The following ABAT variants were observed in gnomAD, a reference collection of about 807,000 sequenced individuals.
ABAT encodes 4-aminobutyrate aminotransferase.
A neutral mutation model predicts 64.6 loss-of-function variants in ABAT; 45 were observed. The observed-to-expected ratio is 0.70, with a 90% CI of 0.55 to 0.89. ABAT has a LOEUF of 0.89. Ranked by LOEUF, ABAT falls within the 40% of genes least tolerant of loss-of-function variation. The probability of loss-of-function intolerance (pLI) is 0.00; values close to 1 mark genes in which losing one functional copy is unlikely to be tolerated. For synonymous variants in ABAT, 297 were observed against 250.5 expected, an observed-to-expected ratio of 1.19 and a Z score of -1.75; for missense variants, 633 against 658.4, an observed-to-expected ratio of 0.96 and a Z score of 0.42.
chr16:8,754,702 C>CTTTCTTTCTTTT (rs1567305332), intron 5 of ABAT, among the ~76,000 whole-genome samples: 6 of 26,078 alleles, frequency 2.3e-4, no homozygotes, highest in African/African-American at 5.8e-4. Flanking sequence ...TTCTTTCTTT[C>CTTTCTTTCTTTT]TTTCTTTCTT....
intron 4 of ABAT, among the ~76,000 whole-genome samples, chr16:8,749,862 C>T (rs982164784): frequency 6.6e-6 from 1 of 152,092 alleles, no homozygotes; most frequent in Non-Finnish European, 1.5e-5. Flanking sequence ...CACAGGCGTG[C>T]ACCACCACGC....
intron 1 of ABAT, among the ~76,000 whole-genome samples, chr16:8,714,117 C>A (rs1463299359): frequency 6.6e-6 from 1 of 151,780 alleles, no homozygotes; most frequent in African/African-American, 2.4e-5. Context: ...AGGAGGAGAC[C>A]CTTTAAAGTG....
intron 6 of ABAT, among the ~76,000 whole-genome samples, chr16:8,759,143 A>G (rs1425675764): frequency 2.6e-5 from 4 of 152,008 alleles, no homozygotes; most frequent in African/African-American, 7.3e-5. Context: ...AAAGTACAAC[A>G]CCCATGCAGG....
intron 12 of ABAT, among the ~76,000 whole-genome samples, chr16:8,774,561 T>C (rs2060211154): frequency 6.6e-6 from 1 of 152,052 alleles, no homozygotes; most frequent in South Asian, 2.1e-4. Flanking sequence ...TGGACACAGC[T>C]CCCTCTGACG....
rs1248706708 is a variant in ABAT, at chr16:8,781,979, G to A, written c.*549G>A. ...AGATCTGAGGAAGGCCGTAAAATGG[G>A]GACAGGAGGATTCAGCTCAGGAGTA... On this transcript the variant is annotated 3_prime_UTR_variant, in exon 16 of 16. Transcript: ENST00000268251. This position sits in a 1 kb window ranked among gnomAD's most constrained non-coding sequence, Gnocchi z 4.5. The A allele has an allele frequency of 1.1e-5, 2 of 185,286 alleles. No homozygotes were observed. The highest frequency in any genetic ancestry group is 2.5e-4 in the East Asian group (2 of 7,916). 11.5% of individuals were successfully genotyped at this position (185,286 alleles called of 1,614,324 possible).
chr16:8,693,437 T>C (rs1289295449), intron 1 of ABAT, among the ~76,000 whole-genome samples: 1 of 152,248 alleles, frequency 6.6e-6, no homozygotes, highest in Non-Finnish European at 1.5e-5. Flanking sequence ...ATCCATGTTA[T>C]TGAAGGGAAT....
intron 1 of ABAT, among the ~76,000 whole-genome samples, chr16:8,689,258 G>C (rs1364254984): frequency 6.6e-6 from 1 of 152,108 alleles, no homozygotes; most frequent in Non-Finnish European, 1.5e-5. Context: ...ATTTGGCCCA[G>C]TATCACTGCC....
At chr16:8,729,818 T>G (rs1182122153) in intron 1 of ABAT, among the ~76,000 whole-genome samples, 1 of 113,546 alleles carries the variant, frequency 8.8e-6, no homozygotes, top group Non-Finnish European at 1.8e-5. Context: ...TGTCTAGCCC[T>G]TTTTTGTCTT....
intron 1 of ABAT, among the ~76,000 whole-genome samples, chr16:8,703,253 C>G (rs976257295): frequency 7.2e-5 from 11 of 151,986 alleles, no homozygotes; most frequent in African/African-American, 2.7e-4. Flanking sequence ...TCAAGACCAG[C>G]CTGGAGTTTC....
intron 11 of ABAT, among the ~76,000 whole-genome samples, chr16:8,770,426 C>T (rs564826428): frequency 2.0e-5 from 3 of 151,996 alleles, no homozygotes; most frequent in African/African-American, 7.2e-5. Flanking sequence ...TGTGAGCCAC[C>T]GCGCCGGCCT....
intron 1 of ABAT, among the ~76,000 whole-genome samples, chr16:8,693,802 T>C (rs1411368154): frequency 6.6e-6 from 1 of 152,114 alleles, no homozygotes; most frequent in East Asian, 1.9e-4. Flanking sequence ...TGGAGGGTTT[T>C]ATTTTGTTTC....
At chr16:8,753,480 G>A (rs2059552449) in intron 5 of ABAT, among the ~76,000 whole-genome samples, 1 of 152,292 alleles carries the variant, frequency 6.6e-6, no homozygotes, top group South Asian at 2.1e-4. Context: ...AGCATAGAAA[G>A]CCCAAGGCAG....
chr16:8,684,543 C>A (rs548849547), intron 1 of ABAT, among the ~76,000 whole-genome samples: 1 of 152,112 alleles, frequency 6.6e-6, no homozygotes, highest in South Asian at 2.1e-4. Context: ...CCCCTCAAGA[C>A]CCCTTCTCTA....
At chr16:8,719,090 C>T (rs1204237993) in intron 1 of ABAT, among the ~76,000 whole-genome samples, 1 of 152,160 alleles carries the variant, frequency 6.6e-6, no homozygotes, top group Non-Finnish European at 1.5e-5. Context: ...TTGTTTGTTG[C>T]TTGTTGGGCC....
At chr16:8,756,738 G>A (rs2059659129) in intron 5 of ABAT, among the ~76,000 whole-genome samples, 2 of 152,156 alleles carry the variant, frequency 1.3e-5, no homozygotes, top group South Asian at 4.1e-4. Flanking sequence ...TACATTAGAA[G>A]GCTTATTTCC....
chr16:8,677,742 C>T (rs766265783), intron 1 of ABAT, among the ~76,000 whole-genome samples: 10 of 152,172 alleles, frequency 6.6e-5, no homozygotes, highest in Non-Finnish European at 1.3e-4. Flanking sequence ...CATCCTTTTC[C>T]TTCGCTATTG....
chr16:8,735,886 A>G, intron 2 of ABAT, 77 bp downstream of exon 2: 1 of 1,342,530 alleles, frequency 7.4e-7, no homozygotes, highest in Non-Finnish European at 1.0e-6. Flanking sequence ...GGGCTGGAAG[A>G]GCCCTTGGGG....
At chr16:8,704,456 C>T (rs948313498) in intron 1 of ABAT, among the ~76,000 whole-genome samples, 1 of 152,140 alleles carries the variant, frequency 6.6e-6, no homozygotes, top group African/African-American at 2.4e-5. Flanking sequence ...CTTCTTTTCT[C>T]CAAACATTTG....
rs2060453891 is a variant in ABAT at position 8,782,140 on chromosome 16, C to T, written c.*710C>T. ...TCCCCAGGTGGCCTTACCCGTGATT[C>T]TTACTCGGCATCCTCCATTCCCCAA... On this transcript the variant is annotated 3_prime_UTR_variant, in exon 16 of 16. Coordinates refer to ENST00000268251, the MANE Select transcript of ABAT (RefSeq NM_020686.6). 6.5e-6 allele frequency: 1 copy of T among 153,254 alleles called. No individual in the cohort carries two copies. Among genetic ancestry groups the T allele is most frequent in the African/African-American group, 2.4e-5 (1 of 41,434 alleles). 9.5% of individuals were successfully genotyped at this position (153,254 alleles called of 1,614,324 possible).
Sources: allele counts gnomAD v4.1 joint callset (sites outside exome capture counted in the v4.1 genomes callset), GRCh38; gene constraint gnomAD v4.1.1; non-coding constraint Gnocchi (gnomAD v3.1); transcripts MANE v1.5; gene names NCBI Gene and HGNC (gene_info 2026-07-23, HGNC 2026-07-21).